HUWE1: variants seen among roughly 807,000 people sequenced by gnomAD.
The protein encoded by HUWE1 is HECT, UBA and WWE domain containing E3 ubiquitin protein ligase 1.
HUWE1 carries 18 observed loss-of-function variants against 299.4 expected under a neutral mutation model. The observed-to-expected ratio is 0.06, with a 90% CI of 0.04 to 0.09. The LOEUF (loss-of-function observed/expected upper bound fraction) is 0.09, where lower values mean the gene tolerates loss of function less well. Ranked by LOEUF, HUWE1 falls within the 10% of genes least tolerant of loss-of-function variation. HUWE1 has a pLI of 1.00. For missense variants in HUWE1, 1,832 were observed against 3,462.3 expected, an observed-to-expected ratio of 0.53 and a Z score of 11.82; for synonymous variants, 1,317 against 1,286.1, an observed-to-expected ratio of 1.02 and a Z score of -0.51.
chrX:53,544,215 G>A (rs1281616808), intron 72 of HUWE1, among the ~76,000 whole-genome samples: 5 of 111,795 alleles, frequency 4.5e-5, no homozygotes, highest in African/African-American at 1.3e-4. Context: ...GGAGGAAAGA[G>A]GTAGGGAAAA....
At chrX:53,594,021 C>A (rs1463472581) in intron 31 of HUWE1, among the ~76,000 whole-genome samples, 1 of 110,647 alleles carries the variant, frequency 9.0e-6, no homozygotes, top group African/African-American at 3.3e-5. Flanking sequence ...GGCATGAACC[C>A]GGGAGGCGGA....
At chrX:53,660,669 A>G (rs2068953488) in intron 3 of HUWE1, among the ~76,000 whole-genome samples, 1 of 111,862 alleles carries the variant, frequency 8.9e-6, no homozygotes, top group African/African-American at 3.3e-5. Flanking sequence ...GTAATTTGGG[A>G]AATGTTATAG....
intron 49 of HUWE1, 77 bp from the exon 50 acceptor site, chrX:53,565,316 CT>C: frequency 1.1e-6 from 1 of 889,883 alleles, no homozygotes; most frequent in Non-Finnish European, 1.6e-6. Context: ...CACTAAGCTT[CT>C]TACAATGGAA....
chrX:53,543,788 G>T (rs374062491), intron 73 of HUWE1, 53 bp downstream of exon 73: 2 of 1,206,833 alleles, frequency 1.7e-6, no homozygotes, highest in Admixed American at 2.2e-5. Flanking sequence ...ATGACATGGT[G>T]GGGGGATGAG....
intron 32 of HUWE1, 148 bp from the exon 33 acceptor site, chrX:53,592,776 AGAG>A (rs1190118818): frequency 6.0e-6 from 3 of 499,871 alleles, no homozygotes; most frequent in Non-Finnish European, 7.1e-6. Flanking sequence ...AAGGAGGCAC[AGAG>A]AAGAGGCATT....
At chrX:53,566,380 A>T (rs1475225301) in intron 49 of HUWE1, among the ~76,000 whole-genome samples, 4 of 107,357 alleles carry the variant, frequency 3.7e-5, no homozygotes, top group African/African-American at 1.4e-4. Context: ...CTGAGATGGG[A>T]GGATTGCTTG....
chrX:53,599,201 G>T (rs1001341071), intron 29 of HUWE1, among the ~76,000 whole-genome samples: 2 of 112,590 alleles, frequency 1.8e-5, no homozygotes, highest in Non-Finnish European at 1.9e-5. Flanking sequence ...ATATGACAAA[G>T]CAAGGAGAGA....
At chrX:53,562,313 C>T in intron 53 of HUWE1, 69 bp from the exon 54 acceptor site, 1 of 1,152,477 alleles carries the variant, frequency 8.7e-7, no homozygotes, top group Admixed American at 2.4e-5. Flanking sequence ...TGCAGGCCAG[C>T]AGGCTGAGTG....
At chrX:53,617,616 T>C (rs1415067151) in intron 19 of HUWE1, among the ~76,000 whole-genome samples, 170 bp from the exon 20 acceptor site, 1 of 111,955 alleles carries the variant, frequency 8.9e-6, no homozygotes, top group Non-Finnish European at 1.9e-5. Context: ...TTCAATACTA[T>C]AAAGAATCTA....
chrX:53,536,027 A>G, intron 80 of HUWE1, 120 bp downstream of exon 80: 1 of 505,872 alleles, frequency 2.0e-6, no homozygotes, highest in East Asian at 3.8e-5. Context: ...TACAGCTTTA[A>G]GAAGTCAAGA....
chrX:53,671,334 G>A (rs1482041965), intron 3 of HUWE1, among the ~76,000 whole-genome samples: 1 of 111,797 alleles, frequency 8.9e-6, no homozygotes, highest in African/African-American at 3.3e-5. Flanking sequence ...CTATTAGGAT[G>A]TACCTATGCT....
Position 53,631,579 on chromosome X carries a change from C to T in HUWE1, c.681G>A (p.Glu227=), listed in dbSNP as rs2066879452. The T allele has an allele frequency of 5.8e-6, 7 of 1,199,418 alleles. No homozygotes were observed. Among genetic ancestry groups the T allele is most frequent in the Admixed American group, 2.2e-5 (1 of 45,940 alleles). The part of the protein sequence containing the change: ...TSNTLHYIHI[E]QLDKISESPS... ...AGATTCCTCTTACCTTGTCAAGTTG[C>T]TCTATGTGAATATAATGTAGTGTGT... The change falls in exon 10 of 84, where the codon GAG becomes GAA. Residue 227 remains glutamate, a synonymous_variant. Transcript: ENST00000262854.
intron 49 of HUWE1, among the ~76,000 whole-genome samples, chrX:53,565,918 T>C (rs1054743517): frequency 1.8e-5 from 2 of 108,717 alleles, no homozygotes; most frequent in African/African-American, 6.7e-5. Context: ...CCTGTGAATT[T>C]CAAATTATAC....
intron 7 of HUWE1, among the ~76,000 whole-genome samples, chrX:53,643,769 T>TC (rs1314044754): frequency 8.9e-6 from 1 of 112,293 alleles, no homozygotes; most frequent in Non-Finnish European, 1.9e-5. Context: ...TTACATTATC[T>TC]CCCCAAGAAA....
chrX:53,538,259 CAA>C (rs1556914918), intron 77 of HUWE1, 76 bp downstream of exon 77: 1 of 699,714 alleles, frequency 1.4e-6, no homozygotes, highest in Non-Finnish European at 2.3e-6. Flanking sequence ...TTTGTGGCCT[CAA>C]GAGTAACTTC....
intron 36 of HUWE1, 119 bp downstream of exon 36, chrX:53,589,428 T>TAC (rs1266042516): frequency 7.4e-6 from 5 of 671,576 alleles, no homozygotes; most frequent in Non-Finnish European, 1.2e-5. Flanking sequence ...AGAATCCAAA[T>TAC]AGAGAATATA....
Position 53,548,054 on chromosome X carries a change from C to T in HUWE1, c.10255G>A (p.Gly3419Arg). ...KSVPVSAGGE[G>R]ETSPYSLEAS... is the part of the protein sequence containing the mutation. ...TCGAGGCTGTATGGAGAGGTTTCCCCCTCACCGCCAGCGCTCACTGGCACT... is the reference window on the plus strand; with the variant it reads ...TCGAGGCTGTATGGAGAGGTTTCCCTCTCACCGCCAGCGCTCACTGGCACT... The change falls in exon 68 of 84, where the codon GGG (glycine) becomes AGG (arginine). Residue 3419 changes from glycine to arginine, a missense_variant. Physicochemically the swap from Gly to Arg is moderately radical, Grantham distance 125. Around this residue, in one of 15 missense-constraint regions of HUWE1, gnomAD observed 119 missense variants for 124.6 expected, o/e 0.96. Transcript: ENST00000262854. 1 of 1,210,067 alleles carries T rather than the reference C, an allele frequency of 8.3e-7. No individual in the cohort carries two copies. Among genetic ancestry groups the T allele is most frequent in the Non-Finnish European group, 1.1e-6 (1 of 894,682 alleles).
intron 49 of HUWE1, among the ~76,000 whole-genome samples, chrX:53,565,498 G>A (rs939759129): frequency 1.8e-5 from 2 of 111,173 alleles, no homozygotes; most frequent in African/African-American, 6.6e-5. Context: ...ATTCTTGACT[G>A]GAAATCAGAA....
Position 53,614,522 on chromosome X carries a change from GT to G in HUWE1, c.2261+11del. 1 of 1,176,087 alleles carries G rather than the reference GT, an allele frequency of 8.5e-7. No individual in the cohort carries two copies. Among genetic ancestry groups the G allele is most frequent in the Non-Finnish European group, 1.2e-6 (1 of 862,956 alleles). Reference sequence around the variant, plus strand: ...ATTATATGGCTAGATGATCTGTTCTGTAAACACTTACTGCTGATTAGGCTCA... The same window carrying G: ...ATTATATGGCTAGATGATCTGTTCTGAAACACTTACTGCTGATTAGGCTCA... On this transcript the variant is annotated intron_variant, in intron 23 of 83. Transcript: ENST00000262854.
Sources: gnomAD v4.1 joint callset for allele counts (sites outside exome capture counted in the v4.1 genomes callset) on GRCh38, gnomAD v4.1.1 for gene constraint, gnomAD v4.1.1 regional missense constraint, MANE v1.5 for transcripts, NCBI Gene and HGNC (gene_info 2026-07-23, HGNC 2026-07-21) for gene names.